CDH23: variants seen among roughly 807,000 people sequenced by gnomAD.
CDH23 encodes the protein cadherin related 23.
In CDH23, 189 loss-of-function variants were observed where a neutral mutation model predicts 317.1. The ratio of observed to expected loss-of-function variants is 0.60; its 90% confidence interval spans 0.53 to 0.67. CDH23 has a LOEUF of 0.67. Among genes scored for constraint, CDH23 ranks in the 30% least tolerant of loss-of-function variants. The pLI is 0.00. For missense variants in CDH23, 4,401 were observed against 4,592.4 expected (o/e 0.96, Z 1.20); for synonymous variants, 1,839 against 1,876.8 (o/e 0.98, Z 0.52).
intron 28 of CDH23, chr10:71,715,600 G>A (rs1462290226): frequency 3.6e-5 from 8 of 225,352 alleles, no homozygotes; most frequent in Admixed American, 5.5e-5. Context: ...CTTCTGTGGC[G>A]AGCGAGGGTG....
chr10:71,691,340 A>G (rs1368907259), intron 20 of CDH23, among the ~76,000 whole-genome samples: 2 of 152,164 alleles, frequency 1.3e-5, no homozygotes, highest in African/African-American at 2.4e-5. Context: ...GTTCATTCAG[A>G]AATTGGGGTG....
intron 11 of CDH23, among the ~76,000 whole-genome samples, chr10:71,628,239 C>T (rs1009841062): frequency 7.2e-5 from 11 of 152,240 alleles, no homozygotes; most frequent in Non-Finnish European, 1.0e-4. Flanking sequence ...CCACCAGGAA[C>T]GCAGAAGCCT....
intron 6 of CDH23, among the ~76,000 whole-genome samples, chr10:71,538,053 T>G (rs1855796858): frequency 6.6e-6 from 1 of 152,118 alleles, no homozygotes; most frequent in Non-Finnish European, 1.5e-5. Flanking sequence ...ATTTTACAGA[T>G]GGGAGTCACT....
intron 6 of CDH23, among the ~76,000 whole-genome samples, chr10:71,559,155 G>A (rs77892599): frequency 0.015 from 2,345 of 152,172 alleles, 31 homozygotes; most frequent in Admixed American, 0.052. Context: ...CAGCTCACCC[G>A]TCTCCTAAGG....
chr10:71,579,654 G>C (rs1465617726), intron 9 of CDH23, among the ~76,000 whole-genome samples: 1 of 152,164 alleles, frequency 6.6e-6, no homozygotes, highest in Non-Finnish European at 1.5e-5. Context: ...TTCAGACGGG[G>C]ATGTGAGGAA....
chr10:71,562,537 T>C (rs1857186990), intron 6 of CDH23, among the ~76,000 whole-genome samples: 1 of 152,022 alleles, frequency 6.6e-6, no homozygotes. Flanking sequence ...CAGCAGAGGG[T>C]CTGGGTGAGC....
At chr10:71,687,569 C>T (rs1158537498) in intron 18 of CDH23, 78 bp from the exon 19 acceptor site, 2 of 1,344,150 alleles carry the variant, frequency 1.5e-6, no homozygotes, top group South Asian at 1.2e-5. Context: ...AGCCTGACTC[C>T]TTGGTGCCCA....
rs749978603 is a variant in CDH23 at position 71,740,823 on chromosome 10, T to C, written c.4490T>C (p.Val1497Ala). The C allele has an allele frequency of 1.2e-5, 20 of 1,613,750 alleles. No individual in the cohort carries two copies. Among genetic ancestry groups the C allele is most frequent in the Non-Finnish European group, 1.1e-5 (13 of 1,179,882 alleles). ...REELDHYILQ[V>A]VASDRGTPPR... ...CTCCAGTTGCCCTCCTCCTTGCAGG[T>C]TGTGGCTTCTGACCGAGGCACCCCT... is the stretch of plus-strand genomic sequence containing the variant. Residue 1497 changes from valine to alanine, a missense_variant and splice_region_variant, in exon 37 of 70, where the codon GTT (valine) becomes GCT (alanine). Physicochemically the swap from Val to Ala is moderately conservative, Grantham distance 64. Around this residue, in one of 3 missense-constraint regions of CDH23, gnomAD observed 3,068 missense variants for 3,203.3 expected, o/e 0.96. Coordinates refer to ENST00000224721, the MANE Select transcript of CDH23 (RefSeq NM_022124.6).
chr10:71,603,732 C>T (rs964509622), intron 9 of CDH23, among the ~76,000 whole-genome samples: 4 of 152,220 alleles, frequency 2.6e-5, no homozygotes, highest in African/African-American at 7.2e-5. Context: ...CCCATGGCAG[C>T]CATGAGGGCT....
chr10:71,615,762 G>T (rs895075618), intron 10 of CDH23, 146 bp downstream of exon 10: 2 of 630,638 alleles, frequency 3.2e-6, no homozygotes, highest in Non-Finnish European at 2.8e-6. Context: ...ACTGCCTCCC[G>T]GGGCTGTGCC....
intron 21 of CDH23, 112 bp downstream of exon 21, chr10:71,694,371 T>A: frequency 2.5e-6 from 2 of 813,516 alleles, no homozygotes; most frequent in East Asian, 2.7e-5. Flanking sequence ...TTTGTGAGAA[T>A]GAGCAAGGGG....
At chr10:71,812,956 A>G in intron 68 of CDH23, 66 bp downstream of exon 68, 2 of 1,591,658 alleles carry the variant, frequency 1.3e-6, no homozygotes, top group Non-Finnish European at 1.7e-6. Flanking sequence ...TCCAGAGAAC[A>G]CAGGGTGGTA....
chr10:71,455,507 C>A (rs140374446), intron 3 of CDH23, among the ~76,000 whole-genome samples: 2,332 of 152,254 alleles, frequency 0.015, 24 homozygotes, highest in South Asian at 0.03. Flanking sequence ...TATATTCATT[C>A]GTTCAACAAA....
chr10:71,498,586 C>T (rs1853102455), intron 3 of CDH23, among the ~76,000 whole-genome samples: 2 of 152,232 alleles, frequency 1.3e-5, no homozygotes, highest in East Asian at 1.9e-4. Context: ...GTACCAGGGA[C>T]AGCAGGTGCC....
intron 9 of CDH23, among the ~76,000 whole-genome samples, chr10:71,598,553 C>T (rs552152985): frequency 2.5e-4 from 38 of 152,334 alleles, no homozygotes; most frequent in African/African-American, 7.9e-4. Context: ...GACTAGGGGT[C>T]TGTAACCCAG....
rs140663986 is a variant in CDH23 at position 71,441,441 on chromosome 10, C to T, written c.67+1543C>T. Among the ~76,000 whole-genome samples the T allele has an allele frequency of 4.7e-3, 721 of 152,220 alleles. 4 individuals carry two copies. Among genetic ancestry groups the T allele is most frequent in the African/African-American group, 0.011 (451 of 41,532 alleles). On this transcript the variant is annotated intron_variant, in intron 2 of 69. Coordinates refer to ENST00000224721, the MANE Select transcript of CDH23 (RefSeq NM_022124.6). ...CCGTTAAAAAGAAATACATTTGGCC[C>T]GGCATGGTGGCTCTTGCTTATAATC...
intron 3 of CDH23, among the ~76,000 whole-genome samples, chr10:71,487,490 C>T (rs754829232): frequency 3.9e-4 from 60 of 152,280 alleles, no homozygotes; most frequent in African/African-American, 1.3e-3. Flanking sequence ...CTGCAAACAG[C>T]GGTTCTTGCA....
chr10:71,576,846 T>C (rs925072935), intron 8 of CDH23, among the ~76,000 whole-genome samples: 3 of 152,172 alleles, frequency 2.0e-5, no homozygotes, highest in Admixed American at 6.5e-5. Flanking sequence ...TTAAACAAAC[T>C]CTTGTTTGTT....
intron 3 of CDH23, among the ~76,000 whole-genome samples, chr10:71,485,567 T>C (rs1288325797): frequency 6.6e-6 from 1 of 152,242 alleles, no homozygotes; most frequent in Admixed American, 6.5e-5. Context: ...AACTTCCCCT[T>C]CCATCTCATT....
Sources: allele counts gnomAD v4.1 joint callset (sites outside exome capture counted in the v4.1 genomes callset), GRCh38; gene constraint gnomAD v4.1.1; regional missense constraint gnomAD v4.1.1; transcripts MANE v1.5; gene names NCBI Gene and HGNC (gene_info 2026-07-23, HGNC 2026-07-21).